The following FSTL5 variants were observed in gnomAD, a reference collection of about 807,000 sequenced individuals.
FSTL5 encodes the protein follistatin-related protein 5.
In FSTL5, 62 loss-of-function variants were observed where a neutral mutation model predicts 89.1. That is an observed-to-expected ratio of 0.70 (90% CI 0.57 to 0.86). The LOEUF (loss-of-function observed/expected upper bound fraction) is 0.86. Among genes scored for constraint, FSTL5 ranks in the 40% least tolerant of loss-of-function variants. The pLI, the probability that FSTL5 is intolerant of heterozygous loss-of-function variation, is 0.00. For missense variants in FSTL5, 1,057 were observed against 1,001.6 expected (o/e 1.06, Z -0.75); for synonymous variants, 383 against 346.2 (o/e 1.11, Z -1.18).
At chr4:161,714,838 T>A (rs899590426) in intron 6 of FSTL5, among the ~76,000 whole-genome samples, 7 of 152,162 alleles carry the variant, frequency 4.6e-5, no homozygotes, top group Non-Finnish European at 1.0e-4. Context: ...ATTTTTTTCA[T>A]AAAAGCCTGG....
At chr4:161,803,907 T>G (rs540953747) in intron 4 of FSTL5, among the ~76,000 whole-genome samples, 14 of 152,162 alleles carry the variant, frequency 9.2e-5, no homozygotes, top group Non-Finnish European at 1.8e-4. Flanking sequence ...AGATGCATTT[T>G]TCTTTTTCTA....
At chr4:161,677,066 A>G (rs1250766122) in intron 6 of FSTL5, among the ~76,000 whole-genome samples, 2 of 152,086 alleles carry the variant, frequency 1.3e-5, no homozygotes, top group East Asian at 3.8e-4. Flanking sequence ...ATGCAATTTT[A>G]TAAATATTAA....
intron 1 of FSTL5, among the ~76,000 whole-genome samples, chr4:162,142,038 G>GT (rs1187226765): frequency 6.6e-6 from 1 of 152,140 alleles, no homozygotes; most frequent in African/African-American, 2.4e-5. Context: ...AGGTGCTATT[G>GT]TATCTAATGG....
intron 1 of FSTL5, among the ~76,000 whole-genome samples, chr4:162,122,582 T>C (rs1039976102): frequency 3.9e-5 from 6 of 152,154 alleles, no homozygotes; most frequent in Non-Finnish European, 7.4e-5. Flanking sequence ...TTTTGTTTTT[T>C]TAAATTTATT....
intron 2 of FSTL5, among the ~76,000 whole-genome samples, chr4:162,096,613 T>C (rs1489985694): frequency 6.6e-6 from 1 of 151,842 alleles, no homozygotes. Flanking sequence ...ACATACCCTT[T>C]CCCTTAGTAT....
chr4:161,619,815 T>C (rs1451953484), intron 7 of FSTL5, among the ~76,000 whole-genome samples: 3 of 152,090 alleles, frequency 2.0e-5, no homozygotes, highest in African/African-American at 7.2e-5. Flanking sequence ...GAAATACCAC[T>C]TGACCCAGCC....
intron 2 of FSTL5, among the ~76,000 whole-genome samples, chr4:162,091,420 A>C (rs1250600535): frequency 6.6e-6 from 1 of 152,140 alleles, no homozygotes; most frequent in African/African-American, 2.4e-5. Flanking sequence ...AAACTAATAT[A>C]TTCTCTCTTA....
At chr4:161,944,568 T>C (rs539196644) in intron 3 of FSTL5, among the ~76,000 whole-genome samples, 25 of 151,932 alleles carry the variant, frequency 1.6e-4, no homozygotes, top group Non-Finnish European at 3.4e-4. Flanking sequence ...TATGCTATAA[T>C]ATTATTTATC....
chr4:162,085,979 T>C (rs532250338), intron 2 of FSTL5, among the ~76,000 whole-genome samples: 1 of 152,120 alleles, frequency 6.6e-6, no homozygotes, highest in Non-Finnish European at 1.5e-5. Flanking sequence ...ACAGTCAGTG[T>C]TTTAAAAATT....
intron 3 of FSTL5, among the ~76,000 whole-genome samples, chr4:161,948,378 T>C (rs895834892): frequency 2.2e-4 from 34 of 151,816 alleles, no homozygotes; most frequent in African/African-American, 7.7e-4. Flanking sequence ...ATAATACTTA[T>C]AGTGCAAGTC....
intron 2 of FSTL5, among the ~76,000 whole-genome samples, chr4:162,046,880 G>A (rs1380906660): frequency 2.6e-5 from 4 of 152,024 alleles, no homozygotes; most frequent in African/African-American, 9.7e-5. Context: ...TATTAAGTCT[G>A]CAAACAGCCC....
At chr4:161,402,727 A>G (rs1338387914) in intron 15 of FSTL5, among the ~76,000 whole-genome samples, 2 of 152,070 alleles carry the variant, frequency 1.3e-5, no homozygotes, top group Non-Finnish European at 2.9e-5. Context: ...CACCTATGCC[A>G]TTTACTATAC....
At chr4:161,940,746 T>A (rs1007473323) in intron 3 of FSTL5, among the ~76,000 whole-genome samples, 1 of 151,642 alleles carries the variant, frequency 6.6e-6, no homozygotes, top group Non-Finnish European at 1.5e-5. Context: ...AGACCTTCAC[T>A]CCAAGAAGTG....
At chr4:161,566,519 G>A (rs1319166885) in intron 8 of FSTL5, among the ~76,000 whole-genome samples, 1 of 151,982 alleles carries the variant, frequency 6.6e-6, no homozygotes, top group Non-Finnish European at 1.5e-5. Flanking sequence ...TTAGTTTTTT[G>A]AGAAATCGCC....
At chr4:161,751,515 C>T (rs764371757) in intron 6 of FSTL5, among the ~76,000 whole-genome samples, 1 of 152,116 alleles carries the variant, frequency 6.6e-6, no homozygotes, top group Non-Finnish European at 1.5e-5. Context: ...AGCCCTGGCA[C>T]AGGGACTCAC....
chr4:161,783,711 C>A (rs1314303348), intron 4 of FSTL5, among the ~76,000 whole-genome samples: 1 of 24,086 alleles, frequency 4.2e-5, no homozygotes, highest in Non-Finnish European at 8.6e-5. Context: ...TTCTTTCTTT[C>A]TTTCTTTCTT....
chr4:162,120,297 A>C (rs1197372137), intron 1 of FSTL5, among the ~76,000 whole-genome samples: 1 of 152,134 alleles, frequency 6.6e-6, no homozygotes, highest in East Asian at 1.9e-4. Context: ...ACTCTGCTTT[A>C]AACAAATGGT....
chr4:161,448,605 CA>C (rs1733039186), intron 15 of FSTL5, among the ~76,000 whole-genome samples: 1 of 152,044 alleles, frequency 6.6e-6, no homozygotes, highest in South Asian at 2.1e-4. Context: ...GAATTTATGC[CA>C]AAATGAGTGC....
chr4:161,775,881 A>T lies in FSTL5; in HGVS notation c.603T>A (p.Thr201=). The T allele has an allele frequency of 6.7e-7, 1 of 1,488,718 alleles. No individual in the cohort carries two copies. Among genetic ancestry groups the T allele is most frequent in the Non-Finnish European group, 9.1e-7 (1 of 1,098,252 alleles). The allele number at this position is 1,488,718 out of a possible 1,614,324, so 92.2% of individuals were successfully genotyped here. A position where few individuals can be genotyped will look rare whatever the true frequency, so the allele number is the denominator to read the frequency against. Residue 201 remains threonine (T), a synonymous_variant, in exon 5 of 16, where the codon ACT becomes ACA. Transcript: ENST00000306100. ...TTAATATAGTCACTAATCATACCTG[A>T]GTTAGTTCATTAATATCTACAAGTC... ...SNGLVDINEL[T]QVIKQEELGK...
Sources: allele counts gnomAD v4.1 joint callset (sites outside exome capture counted in the v4.1 genomes callset), GRCh38; gene constraint gnomAD v4.1.1; transcripts MANE v1.5; gene names NCBI Gene and HGNC (gene_info 2026-07-23, HGNC 2026-07-21).